The following GRAMD4 variants were observed in gnomAD, a reference collection of about 807,000 sequenced individuals.
The protein encoded by GRAMD4 is GRAM domain-containing protein 4.
In GRAMD4, 25 loss-of-function variants were observed where a neutral mutation model predicts 83.9. That is an observed-to-expected ratio of 0.30 (90% CI 0.22 to 0.42). The LOEUF is 0.42. GRAMD4 is among the 10% of genes least tolerant of loss of function. The probability of loss-of-function intolerance (pLI) is 1.00; values close to 1 mark genes in which losing one functional copy is unlikely to be tolerated. For synonymous variants in GRAMD4, 336 were observed against 320.9 expected (o/e 1.05, Z -0.50); for missense variants, 593 against 788.7 (o/e 0.75, Z 2.97).
chr22:46,666,898 C>T, intron 10 of GRAMD4, 25 bp downstream of exon 10: 1 of 1,509,360 alleles, frequency 6.6e-7, no homozygotes, highest in Non-Finnish European at 9.0e-7. Flanking sequence ...GGTGCACGGT[C>T]TCCTCCGACT....
intron 3 of GRAMD4, among the ~76,000 whole-genome samples, chr22:46,653,459 G>A (rs1225273392): frequency 2.6e-5 from 4 of 152,220 alleles, no homozygotes; most frequent in African/African-American, 9.6e-5. Context: ...TTGTGAGTGT[G>A]CTTTTTCACA....
Position 46,644,897 on chromosome 22 carries a change from C to CTTTTTTTTT in GRAMD4, c.283+6962_283+6970dup, listed in dbSNP as rs35677843. Reference sequence around the variant, plus strand: ...ATAGGCACATTGCACTGCACATGGCCTTTTTTTTTTTTTTTTTTTTTTTTT... The same window carrying CTTTTTTTTT: ...ATAGGCACATTGCACTGCACATGGCCTTTTTTTTTTTTTTTTTTTTTTTTTTTTTTTTTT... On this transcript the variant is annotated intron_variant, in intron 3 of 18. Coordinates refer to ENST00000406902, the MANE Select transcript of GRAMD4 (RefSeq NM_015124.5). Among the ~76,000 whole-genome samples the CTTTTTTTTT allele has an allele frequency of 7.8e-4, 32 of 41,010 alleles. 5 individuals carry two copies. The highest frequency in any genetic ancestry group is 2.0e-3 in the Admixed American group (5 of 2,524). 26.9% of individuals were successfully genotyped at this position (41,010 alleles called of 152,430 possible). A position where few individuals can be genotyped will look rare whatever the true frequency, so the allele number is the denominator to read the frequency against.
chr22:46,648,068 A>G (rs1421986535), intron 3 of GRAMD4, among the ~76,000 whole-genome samples: 2 of 152,186 alleles, frequency 1.3e-5, no homozygotes, highest in East Asian at 1.9e-4. Flanking sequence ...GTGTGTCTAT[A>G]TGGATGGATG....
chr22:46,666,951 G>T, intron 10 of GRAMD4, 78 bp downstream of exon 10: 1 of 1,081,782 alleles, frequency 9.2e-7, no homozygotes, highest in South Asian at 1.5e-5. Flanking sequence ...GCACCGCTCG[G>T]GGAAGCCTCT....
At chr22:46,628,192 C>T (rs561491893) in intron 2 of GRAMD4, among the ~76,000 whole-genome samples, 4 of 152,178 alleles carry the variant, frequency 2.6e-5, no homozygotes, top group African/African-American at 9.7e-5. Context: ...GGGGATTCCA[C>T]GCAAAGGCCA....
At chr22:46,581,478 A>G (rs562952551) in intron 1 of GRAMD4, among the ~76,000 whole-genome samples, 2 of 152,354 alleles carry the variant, frequency 1.3e-5, no homozygotes, top group Non-Finnish European at 2.9e-5. Context: ...GCTCATAAAC[A>G]TTGCAGCCTT....
chr22:46,669,425 G>A (rs959286838), intron 13 of GRAMD4, among the ~76,000 whole-genome samples: 1 of 149,624 alleles, frequency 6.7e-6, no homozygotes, highest in African/African-American at 2.5e-5. Context: ...TGTGCCGGGA[G>A]GTGGGTGGGG....
chr22:46,630,922 CT>C (rs2081763739), intron 2 of GRAMD4, among the ~76,000 whole-genome samples: 1 of 149,030 alleles, frequency 6.7e-6, no homozygotes, highest in Non-Finnish European at 1.5e-5. Flanking sequence ...CCATAGCTCC[CT>C]CGAGGGCCGT....
At position 46,677,782 on chromosome 22, in the gene GRAMD4, C is replaced by G. The variant is rs1049428127; in HGVS notation, c.*531C>G. ...AACGGGCCTGGCGGCCCTCCTTCCTCTTACATGAGACCCTCCTGTGGCATT... is the reference window on the plus strand; with the variant it reads ...AACGGGCCTGGCGGCCCTCCTTCCTGTTACATGAGACCCTCCTGTGGCATT... On this transcript the variant is annotated 3_prime_UTR_variant, in exon 19 of 19. Transcript: ENST00000406902. 2 of 985,900 alleles carry G rather than the reference C, an allele frequency of 2.0e-6. No homozygotes were observed. The highest frequency in any genetic ancestry group is 5.2e-4 in the Middle Eastern group (1 of 1,938). 61.1% of individuals were successfully genotyped at this position (985,900 alleles called of 1,614,324 possible).
At chr22:46,577,928 A>C (rs1299931569) in intron 1 of GRAMD4, among the ~76,000 whole-genome samples, 1 of 152,140 alleles carries the variant, frequency 6.6e-6, no homozygotes, top group Non-Finnish European at 1.5e-5. Flanking sequence ...CCGAGGCCCC[A>C]CATGTCTAGA....
chr22:46,660,215 G>A (rs1019715820), intron 4 of GRAMD4, among the ~76,000 whole-genome samples: 1 of 152,194 alleles, frequency 6.6e-6, no homozygotes, highest in Non-Finnish European at 1.5e-5. Flanking sequence ...GGGAATGGGT[G>A]GGGAATGGGC....
chr22:46,667,088 G>C (rs1299446118), intron 10 of GRAMD4, among the ~76,000 whole-genome samples: 2 of 152,252 alleles, frequency 1.3e-5, no homozygotes, highest in African/African-American at 4.8e-5. Flanking sequence ...TTCTAGTCCA[G>C]GCTTGGCTGT....
chr22:46,602,602 C>T (rs1242542709), intron 1 of GRAMD4, among the ~76,000 whole-genome samples: 5 of 151,538 alleles, frequency 3.3e-5, no homozygotes, highest in Non-Finnish European at 5.9e-5. Context: ...GTCGAGACTG[C>T]GGTGAGCTGT....
chr22:46,648,875 GATGGATGGATGGATGGATGGATGC>G (rs2082120627), intron 3 of GRAMD4, among the ~76,000 whole-genome samples: 2 of 139,042 alleles, frequency 1.4e-5, no homozygotes, highest in African/African-American at 5.8e-5. Flanking sequence ...TGGATGGATG[GATGGATGGATGGATGGATGGATGC>G]ATGGATGGAT....
chr22:46,648,330 A>T (rs1601629896), intron 3 of GRAMD4, among the ~76,000 whole-genome samples: 1 of 122,518 alleles, frequency 8.2e-6, no homozygotes, highest in Non-Finnish European at 1.8e-5. Flanking sequence ...GGATGGATGG[A>T]TGGATGGATG....
intron 1 of GRAMD4, among the ~76,000 whole-genome samples, chr22:46,611,041 C>T (rs1364852064): frequency 6.6e-6 from 1 of 151,686 alleles, no homozygotes; most frequent in Non-Finnish European, 1.5e-5. Flanking sequence ...ATGGTGAAAC[C>T]CCATCTCTAC....
chr22:46,663,664 G>A (rs1019698318), intron 6 of GRAMD4, among the ~76,000 whole-genome samples, 174 bp from the exon 7 acceptor site: 2 of 152,198 alleles, frequency 1.3e-5, no homozygotes, highest in African/African-American at 4.8e-5. Context: ...GGGCCATCCC[G>A]GCGCACCCTG....
chr22:46,586,210 CT>C (rs1569245163), intron 1 of GRAMD4, among the ~76,000 whole-genome samples: 1 of 152,138 alleles, frequency 6.6e-6, no homozygotes, highest in East Asian at 1.9e-4. Context: ...TGCCTATGCC[CT>C]TACCTGGGGC....
At chr22:46,671,884 T>C (rs1174343273) in intron 13 of GRAMD4, among the ~76,000 whole-genome samples, 1 of 152,176 alleles carries the variant, frequency 6.6e-6, no homozygotes, top group Admixed American at 6.5e-5. Context: ...TCTGACTTGA[T>C]TGATGAATTT....
Sources: gnomAD v4.1 joint callset for allele counts (sites outside exome capture counted in the v4.1 genomes callset) on GRCh38, gnomAD v4.1.1 for gene constraint, MANE v1.5 for transcripts, NCBI Gene and HGNC (gene_info 2026-07-23, HGNC 2026-07-21) for gene names.